Variants in UMAD1 observed in about 807,000 individuals in gnomAD.
UMAD1 encodes the protein UBAP1-MVB12-associated (UMA) domain containing 1.
A neutral mutation model predicts 6.1 loss-of-function variants in UMAD1; 8 were observed. That is an observed-to-expected ratio of 1.30 (90% CI 0.76 to 2.35). The LOEUF (loss-of-function observed/expected upper bound fraction) is 2.35, where lower values mean the gene tolerates loss of function less well. Among genes scored for constraint, UMAD1 ranks in the 30% most tolerant of loss-of-function variants. The pLI is 0.00. For missense variants in UMAD1, 130 were observed against 78.4 expected, an observed-to-expected ratio of 1.66 and a Z score of -2.49; for synonymous variants, 56 against 31.4, an observed-to-expected ratio of 1.78 and a Z score of -2.61.
At chr7:7,771,126 T>TG (rs1486735567) in intron 2 of UMAD1, among the ~76,000 whole-genome samples, 1 of 147,824 alleles carries the variant, frequency 6.8e-6, no homozygotes, top group East Asian at 2.0e-4. Flanking sequence ...TTTTGTTAGT[T>TG]TTTTTTTTTT....
At chr7:7,781,904 C>T (rs1277839768) in intron 2 of UMAD1, among the ~76,000 whole-genome samples, 1 of 151,932 alleles carries the variant, frequency 6.6e-6, no homozygotes, top group Non-Finnish European at 1.5e-5. Flanking sequence ...GAATTCTGAT[C>T]TGTTCTTTTA....
intron 3 of UMAD1, among the ~76,000 whole-genome samples, chr7:7,835,462 CTTTTTT>C (rs150411259): frequency 8.9e-5 from 3 of 33,654 alleles, no homozygotes; most frequent in Admixed American, 4.5e-4. Context: ...TGAAACAGCA[CTTTTTT>C]TTTTTTTTTT....
chr7:7,835,462 C>CTTTTTTTTTTTTTTTTTTTTT lies in UMAD1; in HGVS notation c.156+33737_156+33757dup, dbSNP rs150411259. Among the ~76,000 whole-genome samples the CTTTTTTTTTTTTTTTTTTTTT allele has an allele frequency of 5.9e-5, 2 of 33,684 alleles. 1 individual carries two copies. Among genetic ancestry groups the CTTTTTTTTTTTTTTTTTTTTT allele is most frequent in the Non-Finnish European group, 1.1e-4 (2 of 17,670 alleles). The allele number at this position is 33,684 out of a possible 152,430, so 22.1% of individuals were successfully genotyped here. On this transcript the variant is annotated intron_variant, in intron 3 of 3. Coordinates refer to ENST00000682710, the MANE Select transcript of UMAD1 (RefSeq NM_001302348.2). ...CATTCATTCACTCATTGAAACAGCA[C>CTTTTTTTTTTTTTTTTTTTTT]TTTTTTTTTTTTTTTTTTTTTTTTT...
chr7:7,673,711 C>A (rs78026790), intron 2 of UMAD1, among the ~76,000 whole-genome samples: 2 of 88,438 alleles, frequency 2.3e-5, no homozygotes, highest in Non-Finnish European at 5.0e-5. Context: ...TTTTCCCCCC[C>A]TTTTTTTTTT....
At chr7:7,811,961 G>T (rs982161603) in intron 3 of UMAD1, among the ~76,000 whole-genome samples, 7 of 152,250 alleles carry the variant, frequency 4.6e-5, no homozygotes, top group Middle Eastern at 3.4e-3. Flanking sequence ...AGCACAGGTT[G>T]TTTACCCAGA....
At chr7:7,780,248 C>T (rs1465817164) in intron 2 of UMAD1, among the ~76,000 whole-genome samples, 1 of 152,196 alleles carries the variant, frequency 6.6e-6, no homozygotes, top group Non-Finnish European at 1.5e-5. Flanking sequence ...TCCTCATAAA[C>T]AATTCCTATG....
intron 2 of UMAD1, among the ~76,000 whole-genome samples, chr7:7,703,734 G>A (rs1426431762): frequency 6.6e-6 from 1 of 152,178 alleles, no homozygotes; most frequent in African/African-American, 2.4e-5. Flanking sequence ...GAGCCCAGGA[G>A]TTTGAGATCA....
At chr7:7,648,191 G>C (rs1383754793) in intron 1 of UMAD1, among the ~76,000 whole-genome samples, 1 of 152,152 alleles carries the variant, frequency 6.6e-6, no homozygotes, top group Non-Finnish European at 1.5e-5. Context: ...ATTTCCATTA[G>C]GACTTAATTG....
intron 2 of UMAD1, among the ~76,000 whole-genome samples, chr7:7,762,030 C>T (rs1040365161): frequency 1.3e-5 from 2 of 152,174 alleles, no homozygotes; most frequent in African/African-American, 4.8e-5. Flanking sequence ...GAGACTGATT[C>T]ATAGGCAGTT....
At position 7,683,362 on chromosome 7, in the gene UMAD1, TC is replaced by T. The variant is rs536701847; in HGVS notation, c.82+9910del. 2.7e-3 allele frequency among the ~76,000 whole-genome samples: 408 copies of T among 152,276 alleles called. 2 individuals are homozygous for T. The highest frequency in any genetic ancestry group is 4.8e-3 in the Non-Finnish European group (327 of 68,016). On this transcript the variant is annotated intron_variant, in intron 2 of 3. Coordinates refer to ENST00000682710, the MANE Select transcript of UMAD1 (RefSeq NM_001302348.2). ...TTCCCCCCAGAGTTCTCCAGATGAT[TC>T]TAGAGTTCATGCAAGGCTGAGAAGC...
chr7:7,751,858 T>G (rs1388511622), intron 2 of UMAD1, among the ~76,000 whole-genome samples: 1 of 152,212 alleles, frequency 6.6e-6, no homozygotes, highest in African/African-American at 2.4e-5. Context: ...GCATAATTAG[T>G]TAAGACTGCT....
chr7:7,646,738 A>G (rs1785104236), intron 1 of UMAD1, among the ~76,000 whole-genome samples: 2 of 151,938 alleles, frequency 1.3e-5, no homozygotes, highest in Non-Finnish European at 1.5e-5. Flanking sequence ...TCCCATGGCC[A>G]ATCTCCTCTC....
chr7:7,697,475 A>T (rs1449894710), intron 2 of UMAD1, among the ~76,000 whole-genome samples: 1 of 152,212 alleles, frequency 6.6e-6, no homozygotes, highest in East Asian at 1.9e-4. Context: ...ACTTTAAAAA[A>T]TGGCTAATGT....
At chr7:7,755,840 T>C (rs1781766378) in intron 2 of UMAD1, among the ~76,000 whole-genome samples, 1 of 152,232 alleles carries the variant, frequency 6.6e-6, no homozygotes, top group Non-Finnish European at 1.5e-5. Context: ...CATTTAAACA[T>C]AAAAGTTAAG....
intron 1 of UMAD1, chr7:7,641,513 C>G (rs1021950024): frequency 6.6e-6 from 1 of 152,144 alleles, no homozygotes; most frequent in Non-Finnish European, 1.5e-5. Context: ...GTTTAAACCC[C>G]CTCAGCAGTC....
chr7:7,759,181 C>T (rs764346781), intron 2 of UMAD1, among the ~76,000 whole-genome samples: 1 of 152,114 alleles, frequency 6.6e-6, no homozygotes, highest in African/African-American at 2.4e-5. Flanking sequence ...GAGAAACTTC[C>T]ATTTGCAACA....
At chr7:7,762,068 A>G (rs1310821741) in intron 2 of UMAD1, among the ~76,000 whole-genome samples, 1 of 152,212 alleles carries the variant, frequency 6.6e-6, no homozygotes, top group African/African-American at 2.4e-5. Flanking sequence ...CAGAATTCAG[A>G]AAGTAGAAAC....
At chr7:7,669,990 T>C (rs1320073317) in intron 1 of UMAD1, among the ~76,000 whole-genome samples, 2 of 152,228 alleles carry the variant, frequency 1.3e-5, no homozygotes, top group East Asian at 1.9e-4. Context: ...TATAATGTTA[T>C]GCTTTGCCAG....
intron 3 of UMAD1, among the ~76,000 whole-genome samples, chr7:7,808,086 G>A (rs1329769863): frequency 6.6e-6 from 1 of 152,020 alleles, no homozygotes; most frequent in East Asian, 1.9e-4. Flanking sequence ...GAGTGAATGT[G>A]TATAAATCCA....
Sources: allele counts gnomAD v4.1 joint callset (sites outside exome capture counted in the v4.1 genomes callset), GRCh38; gene constraint gnomAD v4.1.1; transcripts MANE v1.5; gene names NCBI Gene and HGNC (gene_info 2026-07-23, HGNC 2026-07-21).